The following PTPRT variants were observed in gnomAD, a reference collection of about 807,000 sequenced individuals.
The protein encoded by PTPRT is protein tyrosine phosphatase receptor type T.
Under a neutral mutation model 176.8 loss-of-function variants are expected in PTPRT, and 56 were observed. The ratio of observed to expected loss-of-function variants is 0.32; its 90% CI spans 0.26 to 0.40. PTPRT has a LOEUF of 0.40. Ranked by LOEUF, PTPRT falls within the 10% of genes least tolerant of loss-of-function variation. PTPRT has a pLI of 1.00. For synonymous variants in PTPRT, 783 were observed against 739.0 expected (o/e 1.06, Z -0.96); for missense variants, 1,540 against 1,908.2 (o/e 0.81, Z 3.60).
Position 42,855,403 on chromosome 20 carries a change from T to C in PTPRT, c.214+30404A>G, listed in dbSNP as rs574044637. Among the ~76,000 whole-genome samples the C allele has an allele frequency of 2.7e-5, 4 of 148,984 alleles. No homozygotes were observed. In the South Asian group the frequency reaches 8.5e-4, roughly 32 times the overall value. On this transcript the variant is annotated intron_variant, in intron 2 of 30. Transcript: ENST00000373187. The stretch of plus-strand genomic sequence containing the variant: ...GTTTTAAGTGCCACCTGGGCCAAAA[T>C]GAAAGAAGAGTAATCTATGTTCATG...
Position 42,086,740 on chromosome 20 carries a change from A to AT in PTPRT, c.3847-888_3847-887insA, listed in dbSNP as rs1568913157. Among the ~76,000 whole-genome samples, 127 of 77,958 alleles carry AT rather than the reference A, an allele frequency of 1.6e-3. 3 individuals carry two copies. The highest frequency in any genetic ancestry group is 2.6e-3 in the Non-Finnish European group (99 of 38,730). The allele number at this position is 77,958 out of a possible 152,430, so 51.1% of individuals were successfully genotyped here. On this transcript the variant is annotated intron_variant, in intron 27 of 30. Transcript: ENST00000373187. ...AGACTCCATCTCAAAAAAAAAAAAAAAAAAAAAAAAAAAATATATATATAT... is the reference window on the plus strand; with the variant it reads ...AGACTCCATCTCAAAAAAAAAAAAAATAAAAAAAAAAAAAATATATATATAT...
chr20:42,513,234 G>GTA (rs1290114895), intron 7 of PTPRT, among the ~76,000 whole-genome samples: 5 of 150,366 alleles, frequency 3.3e-5, no homozygotes, highest in Admixed American at 6.6e-5. Flanking sequence ...GTGTGTGTGT[G>GTA]TGTGTTTTCC....
At chr20:42,504,802 C>T (rs1023276422) in intron 7 of PTPRT, among the ~76,000 whole-genome samples, 1 of 152,062 alleles carries the variant, frequency 6.6e-6, no homozygotes, top group Non-Finnish European at 1.5e-5. Context: ...TTTTAAAATG[C>T]CCTTTCCTTC....
At chr20:42,174,621 G>C (rs1375524620) in intron 16 of PTPRT, among the ~76,000 whole-genome samples, 2 of 152,180 alleles carry the variant, frequency 1.3e-5, no homozygotes, top group African/African-American at 4.8e-5. Context: ...CTTCTGCCTT[G>C]AAAATTCTAG....
chr20:43,071,677 C>T (rs1166900379), intron 1 of PTPRT, among the ~76,000 whole-genome samples: 3 of 144,328 alleles, frequency 2.1e-5, no homozygotes, highest in Non-Finnish European at 4.4e-5. Context: ...CCCAGCTACT[C>T]GGGAGGCTGA....
At chr20:42,979,157 G>A (rs1314143156) in intron 1 of PTPRT, among the ~76,000 whole-genome samples, 5 of 152,074 alleles carry the variant, frequency 3.3e-5, no homozygotes, top group Admixed American at 3.3e-4. Flanking sequence ...TAAAAGGAAA[G>A]CTAATTTTTT....
At chr20:42,549,432 G>T (rs1275965013) in intron 7 of PTPRT, among the ~76,000 whole-genome samples, 1 of 152,144 alleles carries the variant, frequency 6.6e-6, no homozygotes, top group Non-Finnish European at 1.5e-5. Flanking sequence ...TAAGTGGGCA[G>T]TGGGGTTGGG....
chr20:42,344,901 G>C (rs1391405882), intron 11 of PTPRT, among the ~76,000 whole-genome samples: 2 of 151,986 alleles, frequency 1.3e-5, no homozygotes, highest in East Asian at 3.9e-4. Flanking sequence ...CTTTTGCATA[G>C]GCTGCTCTTT....
chr20:43,032,418 G>A (rs1001084682), intron 1 of PTPRT, among the ~76,000 whole-genome samples: 21 of 150,140 alleles, frequency 1.4e-4, no homozygotes, highest in Admixed American at 7.3e-4. Flanking sequence ...AAAGAGCCTC[G>A]GTGATTATCT....
intron 6 of PTPRT, among the ~76,000 whole-genome samples, chr20:42,694,078 G>A (rs1401057955): frequency 1.4e-5 from 2 of 139,652 alleles, no homozygotes; most frequent in African/African-American, 2.7e-5. Context: ...TCGCTCTGTC[G>A]CCCAGGCTGG....
chr20:42,488,596 C>A (rs77849608), intron 7 of PTPRT, among the ~76,000 whole-genome samples: 3,758 of 152,082 alleles, frequency 0.025, 120 homozygotes, highest in African/African-American at 0.07. Flanking sequence ...TTGTAGAATT[C>A]TTTGTATATT....
At chr20:42,572,944 T>A (rs2073184603) in intron 7 of PTPRT, among the ~76,000 whole-genome samples, 1 of 140,992 alleles carries the variant, frequency 7.1e-6, no homozygotes, top group African/African-American at 2.7e-5. Context: ...TTTTAACATC[T>A]AAACACAATT....
chr20:42,131,546 CT>C (rs755870088), intron 18 of PTPRT, among the ~76,000 whole-genome samples: 10 of 152,172 alleles, frequency 6.6e-5, no homozygotes, highest in Non-Finnish European at 1.0e-4. Flanking sequence ...AAGAAACGAA[CT>C]TATTTATTCT....
chr20:42,117,575 G>A (rs966272845), intron 21 of PTPRT, among the ~76,000 whole-genome samples: 6 of 152,144 alleles, frequency 3.9e-5, no homozygotes, highest in Non-Finnish European at 7.3e-5. Flanking sequence ...GAAGAAGAGC[G>A]GGTAGCAAAG....
intron 1 of PTPRT, among the ~76,000 whole-genome samples, chr20:42,947,403 T>C (rs1352072750): frequency 6.6e-6 from 1 of 152,128 alleles, no homozygotes; most frequent in Non-Finnish European, 1.5e-5. Flanking sequence ...AGGGGTCCCC[T>C]TCCTCTCATC....
intron 17 of PTPRT, among the ~76,000 whole-genome samples, chr20:42,150,278 C>A (rs777176908): frequency 6.6e-6 from 1 of 152,168 alleles, no homozygotes; most frequent in Non-Finnish European, 1.5e-5. Flanking sequence ...ACCTCCTATC[C>A]TCAGCAGATT....
chr20:42,280,590 A>G (rs1046976971), intron 13 of PTPRT, among the ~76,000 whole-genome samples: 5 of 152,182 alleles, frequency 3.3e-5, no homozygotes, highest in Non-Finnish European at 5.9e-5. Context: ...CTTTACCTGC[A>G]TACACACTCC....
chr20:42,147,271 C>A (rs1402044135), intron 17 of PTPRT, among the ~76,000 whole-genome samples: 1 of 152,116 alleles, frequency 6.6e-6, no homozygotes, highest in Non-Finnish European at 1.5e-5. Flanking sequence ...GGGCAAATAT[C>A]CTGGGATCTT....
At chr20:42,847,142 G>C (rs2078387452) in intron 2 of PTPRT, among the ~76,000 whole-genome samples, 2 of 152,198 alleles carry the variant, frequency 1.3e-5, no homozygotes, top group Admixed American at 1.3e-4. Flanking sequence ...AGTTAACAAA[G>C]GGAATATTTA....
Sources: gnomAD v4.1 joint callset for allele counts (sites outside exome capture counted in the v4.1 genomes callset) on GRCh38, gnomAD v4.1.1 for gene constraint, MANE v1.5 for transcripts, NCBI Gene and HGNC (gene_info 2026-07-23, HGNC 2026-07-21) for gene names.